LINGO1: variants seen among roughly 807,000 people sequenced by gnomAD.
LINGO1 encodes leucine rich repeat and Ig domain containing 1.
A neutral mutation model predicts 37.3 loss-of-function variants in LINGO1; 11 were observed. The ratio of observed to expected loss-of-function variants is 0.29; its 90% CI spans 0.19 to 0.49. The LOEUF (loss-of-function observed/expected upper bound fraction) is 0.49. LINGO1 is among the 20% of genes least tolerant of loss of function. LINGO1 has a pLI of 0.99. For missense variants in LINGO1, 585 were observed against 878.2 expected (o/e 0.67, Z 4.22); for synonymous variants, 387 against 403.0 (o/e 0.96, Z 0.48).
intron 3 of LINGO1, among the ~76,000 whole-genome samples, chr15:77,666,196 CA>C (rs2075126646): frequency 6.6e-6 from 1 of 152,252 alleles, no homozygotes; most frequent in Admixed American, 6.5e-5. Context: ...AGCTGAGACA[CA>C]AGTTTCCGAG....
chr15:77,708,326 G>A (rs537829226), intron 2 of LINGO1, among the ~76,000 whole-genome samples: 8 of 152,276 alleles, frequency 5.3e-5, no homozygotes, highest in African/African-American at 1.9e-4. Flanking sequence ...AGAGCAGAGT[G>A]GGGAATCGGG....
intron 1 of LINGO1, among the ~76,000 whole-genome samples, chr15:77,737,842 C>T (rs992451291): frequency 7.3e-5 from 11 of 151,560 alleles, no homozygotes; most frequent in African/African-American, 2.4e-4. Flanking sequence ...TCCAAGCATC[C>T]GAGGCCCCAG....
chr15:77,709,232 A>G (rs2075889534), intron 2 of LINGO1, among the ~76,000 whole-genome samples: 1 of 152,238 alleles, frequency 6.6e-6, no homozygotes, highest in African/African-American at 2.4e-5. Context: ...CTATCTGGCC[A>G]TGGAAAATGG....
At chr15:77,762,805 C>T (rs966578068) in intron 1 of LINGO1, among the ~76,000 whole-genome samples, 1 of 151,938 alleles carries the variant, frequency 6.6e-6, no homozygotes, top group African/African-American at 2.4e-5. Flanking sequence ...CCACCCGTGC[C>T]TGCCAAGCAG....
intron 1 of LINGO1, among the ~76,000 whole-genome samples, chr15:77,744,492 C>T (rs980716436): frequency 6.6e-6 from 1 of 152,182 alleles, no homozygotes; most frequent in Non-Finnish European, 1.5e-5. Context: ...CGAGATGGCA[C>T]TACTGTACTC....
chr15:77,659,745 C>T (rs914286851), intron 3 of LINGO1, among the ~76,000 whole-genome samples: 1 of 151,956 alleles, frequency 6.6e-6, no homozygotes, highest in Non-Finnish European at 1.5e-5. Context: ...GACCATGGGG[C>T]GTGCCACCTG....
chr15:77,726,954 A>T (rs1474678132), intron 2 of LINGO1, among the ~76,000 whole-genome samples: 5 of 152,248 alleles, frequency 3.3e-5, no homozygotes, highest in Non-Finnish European at 5.9e-5. Flanking sequence ...TCTCAAAAGA[A>T]AATATACAAA....
chr15:77,684,434 G>C lies in LINGO1; in HGVS notation c.-99+6286C>G, dbSNP rs553262693. Among the ~76,000 whole-genome samples, 166 of 152,334 alleles carry C rather than the reference G, an allele frequency of 1.1e-3. 2 individuals are homozygous for C. The highest frequency in any genetic ancestry group is 4.0e-3 in the African/African-American group (165 of 41,570). ...GAGGGTCTTATGCAGCCTTCTACTA[G>C]TGCTTGGCACACAGGGCTGGAAACT... is the stretch of plus-strand genomic sequence containing the variant. On this transcript the variant is annotated intron_variant, in intron 2 of 3. Coordinates refer to the LINGO1 transcript ENST00000559893.
intron 1 of LINGO1, among the ~76,000 whole-genome samples, chr15:77,766,125 A>G (rs1328185544): frequency 6.6e-6 from 1 of 152,078 alleles, no homozygotes; most frequent in East Asian, 1.9e-4. Flanking sequence ...CAAAAGTGCA[A>G]TGTGAAAAAA....
At chr15:77,676,100 G>A (rs571760711) in intron 3 of LINGO1, among the ~76,000 whole-genome samples, 1 of 152,348 alleles carries the variant, frequency 6.6e-6, no homozygotes, top group East Asian at 1.9e-4. Context: ...CCAAAGACCA[G>A]GACTACTGCC....
intron 1 of LINGO1, among the ~76,000 whole-genome samples, chr15:77,771,969 A>G (rs910181382): frequency 1.3e-5 from 2 of 152,174 alleles, no homozygotes; most frequent in African/African-American, 4.8e-5. Flanking sequence ...GGTCTGGTAG[A>G]CTCATTGGAG....
At chr15:77,659,721 G>A (rs528663469) in intron 3 of LINGO1, among the ~76,000 whole-genome samples, 1 of 152,276 alleles carries the variant, frequency 6.6e-6, no homozygotes, top group African/African-American at 2.4e-5. Context: ...TACCATGGGG[G>A]GCTGGATGGG....
intron 3 of LINGO1, among the ~76,000 whole-genome samples, chr15:77,653,141 T>A (rs1324870602): frequency 7.9e-5 from 12 of 152,224 alleles, no homozygotes; most frequent in Admixed American, 7.9e-4. Context: ...TTGCCCAAGG[T>A]CACACAGCCT....
chr15:77,744,874 G>A (rs544870560), intron 1 of LINGO1, among the ~76,000 whole-genome samples: 2 of 152,152 alleles, frequency 1.3e-5, no homozygotes, highest in South Asian at 4.2e-4. Flanking sequence ...CCAGCACTTT[G>A]GGAGGCCAAA....
At chr15:77,620,427 C>T (rs2073881661) in intron 1 of LINGO1, among the ~76,000 whole-genome samples, 2 of 152,232 alleles carry the variant, frequency 1.3e-5, no homozygotes, top group Admixed American at 6.5e-5. Flanking sequence ...TCTGCGCTGC[C>T]CCCACAGTGG....
At chr15:77,625,448 C>T (rs1431335274) in intron 1 of LINGO1, among the ~76,000 whole-genome samples, 7 of 152,152 alleles carry the variant, frequency 4.6e-5, no homozygotes, top group Non-Finnish European at 1.0e-4. Flanking sequence ...ATAACTTGCT[C>T]GGGGTCAGTG....
At chr15:77,797,789 G>A (rs968109294) in intron 1 of LINGO1, among the ~76,000 whole-genome samples, 2 of 152,258 alleles carry the variant, frequency 1.3e-5, no homozygotes, top group Non-Finnish European at 2.9e-5. Context: ...GGGGCTCCAA[G>A]GTGACAGCTA....
rs928299757 is a variant in LINGO1 at position 77,753,492 on chromosome 15, G to C, written c.-256-18439C>G. Among the ~76,000 whole-genome samples the C allele has an allele frequency of 7.4e-4, 113 of 152,336 alleles. 1 individual carries two copies. The highest frequency in any genetic ancestry group is 1.2e-3 in the East Asian group (6 of 5,184). On this transcript the variant is annotated intron_variant, in intron 1 of 3. Transcript: ENST00000561686. The stretch of plus-strand genomic sequence containing the variant: ...CTGGGAGCAGCCCTCCCTGGGGCTG[G>C]TGGGCACAAAAGATGAACATCGTCA...
intron 1 of LINGO1, among the ~76,000 whole-genome samples, chr15:77,809,409 T>C (rs76577693): frequency 0.018 from 2,719 of 152,318 alleles, 82 homozygotes; most frequent in African/African-American, 0.063. Context: ...TGAACCTCAG[T>C]TTCCTCATTT....
Sources: gnomAD v4.1 joint callset for allele counts (sites outside exome capture counted in the v4.1 genomes callset) on GRCh38, gnomAD v4.1.1 for gene constraint, MANE v1.5 for transcripts, NCBI Gene and HGNC (gene_info 2026-07-23, HGNC 2026-07-21) for gene names.